Variants in SLC15A4 observed in about 807,000 individuals in gnomAD.
SLC15A4 encodes hPHT1.
SLC15A4 carries 26 observed loss-of-function variants against 46.1 expected under a neutral mutation model. The observed-to-expected ratio is 0.56, with a 90% CI of 0.41 to 0.78. SLC15A4 has a LOEUF of 0.78. Among genes scored for constraint, SLC15A4 ranks in the 30% least tolerant of loss-of-function variants. The pLI is 0.00. For missense variants in SLC15A4, 751 were observed against 755.7 expected (o/e 0.99, Z 0.07); for synonymous variants, 370 against 333.4 (o/e 1.11, Z -1.20).
At chr12:128,802,609 C>A (rs1267467345) in intron 5 of SLC15A4, among the ~76,000 whole-genome samples, 1 of 152,170 alleles carries the variant, frequency 6.6e-6, no homozygotes, top group Non-Finnish European at 1.5e-5. Context: ...GGGAAGGTTA[C>A]TCATGCGGAG....
At chr12:128,805,892 A>G (rs570316846) in intron 5 of SLC15A4, among the ~76,000 whole-genome samples, 76 of 152,270 alleles carry the variant, frequency 5.0e-4, no homozygotes, top group Middle Eastern at 3.4e-3. Flanking sequence ...ACAAAAAAAG[A>G]AAAACCTGGC....
chr12:128,805,891 G>GA (rs1955581100), intron 5 of SLC15A4, among the ~76,000 whole-genome samples: 1 of 152,004 alleles, frequency 6.6e-6, no homozygotes, highest in Admixed American at 6.6e-5. Context: ...CACAAAAAAA[G>GA]AAAAACCTGG....
At chr12:128,797,977 TC>T (rs1955466624) in intron 7 of SLC15A4, among the ~76,000 whole-genome samples, 2 of 152,066 alleles carry the variant, frequency 1.3e-5, no homozygotes, top group African/African-American at 4.8e-5. Context: ...TCCTGGCCCA[TC>T]CCCAGCACAC....
chr12:128,820,256 C>A (rs1325853344), intron 1 of SLC15A4, among the ~76,000 whole-genome samples: 1 of 152,122 alleles, frequency 6.6e-6, no homozygotes, highest in East Asian at 1.9e-4. Context: ...AGTGTGGTAG[C>A]TAAAAAAGAA....
At position 128,823,683 on chromosome 12, in the gene SLC15A4, C is replaced by T. The variant is rs1375897706; in HGVS notation, c.261G>A (p.Leu87=). The T allele has an allele frequency of 2.0e-6, 3 of 1,509,978 alleles. No individual in the cohort carries two copies. The highest frequency in any genetic ancestry group is 1.2e-5 in the South Asian group (1 of 81,396). 93.5% of individuals were successfully genotyped at this position (1,509,978 alleles called of 1,614,324 possible). A position where few individuals can be genotyped will look rare whatever the true frequency, so the allele number is the denominator to read the frequency against. The change falls in exon 1 of 8, where the codon CTG becomes CTA. Residue 87 remains leucine, a synonymous_variant. Transcript: ENST00000266771. The part of the protein sequence containing the change: ...ALLLFMGLTY[L]GSPFGGWLAD... ...CCAGCCAGCCTCCGAACGGCGAGCC[C>T]AGGTAGGTGAGGCCCATGAAGAGCA... is the stretch of plus-strand genomic sequence containing the variant.
Position 128,800,950 on chromosome 12 carries a change from CGATGGTCT to C in SLC15A4, c.1310_1317del (p.Gln437ArgfsTer87), listed in dbSNP as rs1566046461. The C allele has an allele frequency of 6.2e-7, 1 of 1,614,078 alleles. No individual in the cohort carries two copies. On this transcript the variant is annotated frameshift_variant, in exon 6 of 8. Transcript: ENST00000266771. LOFTEE classifies it high-confidence loss of function. ...TCGGCAGCATGGTAGACGACGTTGCCGATGGTCTGATTAATGGTTTTCTCTTTAACAAG... is the reference window on the plus strand; with the variant it reads ...TCGGCAGCATGGTAGACGACGTTGCCGATTAATGGTTTTCTCTTTAACAAG...
chr12:128,810,296 G>C, intron 2 of SLC15A4, 185 bp from the exon 3 acceptor site: 1 of 574,888 alleles, frequency 1.7e-6, no homozygotes, highest in Non-Finnish European at 3.0e-6. Flanking sequence ...GTCACAGAAT[G>C]TACTGAAACA....
Position 128,799,241 on chromosome 12 carries a change from C to G in SLC15A4, c.1573+18G>C. ...CCTCACTGGCTATTTTCAAAAGGGA[C>G]AGGATGCTGGCTCTTACCAAAGTCT... is the stretch of plus-strand genomic sequence containing the variant. On this transcript the variant is annotated intron_variant, in intron 7 of 7. Transcript: ENST00000266771. The G allele has an allele frequency of 6.2e-7, 1 of 1,613,700 alleles. No homozygotes were observed. The highest frequency in any genetic ancestry group is 2.2e-5 in the East Asian group (1 of 44,886).
chr12:128,802,227 T>G (rs370224484), intron 5 of SLC15A4, among the ~76,000 whole-genome samples: 1 of 152,184 alleles, frequency 6.6e-6, no homozygotes, highest in Non-Finnish European at 1.5e-5. Context: ...GAGGGCATCT[T>G]AATCAGGCAA....
In SLC15A4 at chr12:128,799,409, A is replaced by G; in HGVS notation, c.1423T>C (p.Phe475Leu). 6.2e-7 allele frequency: 1 copy of G among 1,614,144 alleles called. No homozygotes were observed. Among genetic ancestry groups the G allele is most frequent in the Non-Finnish European group, 8.5e-7 (1 of 1,180,006 alleles). The change falls in exon 7 of 8, where the codon TTT becomes CTT. Residue 475 changes from phenylalanine (F) to leucine (L), a missense_variant. Physicochemically the swap from Phe to Leu is conservative, Grantham distance 22. Coordinates refer to ENST00000266771, the MANE Select transcript of SLC15A4 (RefSeq NM_145648.4). ...GACTTGGGGGCAGCTGAGTATGCAA[A>G]TTCCAGGCCTGAGGAAAGAAAAGGG... Reference protein sequence around the residue: ...EIFASIAGLEFAYSAAPKSMQ... With the variant: ...EIFASIAGLELAYSAAPKSMQ...
At chr12:128,797,613 C>T (rs1261474413) in intron 7 of SLC15A4, among the ~76,000 whole-genome samples, 1 of 152,218 alleles carries the variant, frequency 6.6e-6, no homozygotes, top group African/African-American at 2.4e-5. Flanking sequence ...CTTCACAGTG[C>T]TGTGACTTTA....
intron 1 of SLC15A4, among the ~76,000 whole-genome samples, chr12:128,816,175 C>T (rs145043625): frequency 2.0e-5 from 3 of 152,268 alleles, no homozygotes; most frequent in East Asian, 1.9e-4. Flanking sequence ...ATGGAGTTCA[C>T]GAGGCTACTT....
chr12:128,800,090 G>A (rs115219859), intron 6 of SLC15A4, among the ~76,000 whole-genome samples: 1,941 of 152,134 alleles, frequency 0.013, 29 homozygotes, highest in African/African-American at 0.033. Flanking sequence ...TGATCCACCC[G>A]CCTCGGATTC....
chr12:128,806,749 T>C (rs753713715), intron 5 of SLC15A4, among the ~76,000 whole-genome samples: 107 of 152,076 alleles, frequency 7.0e-4, no homozygotes, highest in Non-Finnish European at 9.9e-4. Flanking sequence ...ATGTCACCAA[T>C]TCAGAGGCTC....
At chr12:128,819,133 G>T (rs1593017637) in intron 1 of SLC15A4, among the ~76,000 whole-genome samples, 1 of 152,270 alleles carries the variant, frequency 6.6e-6, no homozygotes, top group East Asian at 1.9e-4. Flanking sequence ...GCCGAGCGCG[G>T]TGGCTCACGC....
chr12:128,799,134 G>T, intron 7 of SLC15A4, 125 bp downstream of exon 7: 1 of 963,748 alleles, frequency 1.0e-6, no homozygotes, highest in Non-Finnish European at 1.6e-6. Context: ...TGGAAGGAGC[G>T]GTGGACAGGC....
chr12:128,800,354 A>C (rs893717301), intron 6 of SLC15A4, among the ~76,000 whole-genome samples: 1 of 152,064 alleles, frequency 6.6e-6, no homozygotes, highest in African/African-American at 2.4e-5. Flanking sequence ...CATATCACTC[A>C]TCTTCTCTTC....
chr12:128,796,458 A>AAAAC (rs1176888407), intron 7 of SLC15A4, among the ~76,000 whole-genome samples: 1,170 of 34,528 alleles, frequency 0.034, 88 homozygotes, highest in East Asian at 0.29. Context: ...AAAAAAAAAA[A>AAAAC]CCCACACATC....
At chr12:128,821,884 C>CAA (rs10579523) in intron 1 of SLC15A4, among the ~76,000 whole-genome samples, 1,601 of 132,904 alleles carry the variant, frequency 0.012, 36 homozygotes, top group African/African-American at 0.044. Flanking sequence ...GACTCCGCCT[C>CAA]AAAAAAAAAA....
Sources: gnomAD v4.1 joint callset for allele counts (sites outside exome capture counted in the v4.1 genomes callset) on GRCh38, gnomAD v4.1.1 for gene constraint, MANE v1.5 for transcripts, NCBI Gene and HGNC (gene_info 2026-07-23, HGNC 2026-07-21) for gene names.